ANXA8: variants seen among roughly 807,000 people sequenced by gnomAD.
ANXA8 encodes VAC-beta.
In ANXA8, 9 loss-of-function variants were observed where a neutral mutation model predicts 26.8. The observed-to-expected ratio is 0.34, with a 90% CI of 0.20 to 0.59. The LOEUF (loss-of-function observed/expected upper bound fraction) is 0.59. Among genes scored for constraint, ANXA8 ranks in the 20% least tolerant of loss-of-function variants. The pLI is 0.84. For synonymous variants in ANXA8, 39 were observed against 94.8 expected, an observed-to-expected ratio of 0.41 and a Z score of 3.42; for missense variants, 83 against 238.5, an observed-to-expected ratio of 0.35 and a Z score of 4.29.
At chr10:47,470,072 G>A (rs1465119326) in intron 11 of ANXA8, among the ~76,000 whole-genome samples, 2 of 149,374 alleles carry the variant, frequency 1.3e-5, no homozygotes, top group African/African-American at 5.0e-5. Flanking sequence ...ACAATTTTTC[G>A]AATAGTTTTT....
At chr10:47,959,385 G>GC in the ANXA8 span, among the ~76,000 whole-genome samples, 16 of 148,808 alleles carry the variant, frequency 1.1e-4, 1 homozygote, top group East Asian at 4.2e-4. Flanking sequence ...AATAAAGAGA[G>GC]CCCCCCACTG....
At chr10:47,544,132 T>C in the ANXA8 span, among the ~76,000 whole-genome samples, 1 of 151,918 alleles carries the variant, frequency 6.6e-6, no homozygotes, top group Admixed American at 6.6e-5. Context: ...AAACCGAGGC[T>C]GAACGTAGGA....
At chr10:47,496,255 G>C in the ANXA8 span, 4 of 152,436 alleles carry the variant, frequency 2.6e-5, no homozygotes, top group East Asian at 1.9e-4. Context: ...ATACTGGAAC[G>C]TCCGACACAC....
the ANXA8 span, among the ~76,000 whole-genome samples, chr10:47,530,661 C>A: frequency 2.7e-5 from 4 of 149,460 alleles, no homozygotes; most frequent in African/African-American, 9.9e-5. Flanking sequence ...CCACAGCACT[C>A]CAGCCTGGGT....
chr10:47,608,189 T>C, the ANXA8 span, among the ~76,000 whole-genome samples: 1 of 104,188 alleles, frequency 9.6e-6, no homozygotes, highest in Non-Finnish European at 1.8e-5. Context: ...TACATACATA[T>C]ACACACACAC....
the ANXA8 span, among the ~76,000 whole-genome samples, chr10:47,680,466 CT>C: frequency 4.0e-5 from 6 of 151,764 alleles, no homozygotes; most frequent in Non-Finnish European, 7.4e-5. Flanking sequence ...GAAACCCCAT[CT>C]CTACTAAAAA....
chr10:47,724,503 G>A, the ANXA8 span, among the ~76,000 whole-genome samples: 1 of 141,042 alleles, frequency 7.1e-6, no homozygotes, highest in Non-Finnish European at 1.6e-5. Context: ...GGATGTTCTC[G>A]AATGTCTTCC....
the ANXA8 span, among the ~76,000 whole-genome samples, chr10:47,777,171 C>A: frequency 1.3e-5 from 2 of 151,640 alleles, no homozygotes; most frequent in African/African-American, 4.8e-5. Context: ...GCAATCTCAG[C>A]CCCAGCCTGT....
At chr10:47,560,038 G>A in the ANXA8 span, among the ~76,000 whole-genome samples, 1 of 150,526 alleles carries the variant, frequency 6.6e-6, no homozygotes, top group Admixed American at 6.6e-5. Context: ...CCATCCAGCG[G>A]AACATGTCTC....
the ANXA8 span, among the ~76,000 whole-genome samples, chr10:47,586,817 G>A: frequency 6.8e-6 from 1 of 146,274 alleles, no homozygotes; most frequent in African/African-American, 2.8e-5. Flanking sequence ...AGCCTTACCT[G>A]TAAAAATGGG....
the ANXA8 span, among the ~76,000 whole-genome samples, chr10:47,533,223 A>ACACACACCC: frequency 7.2e-6 from 1 of 139,084 alleles, no homozygotes; most frequent in African/African-American, 2.8e-5. Context: ...ACACACACAC[A>ACACACACCC]CCCCCGCAGA....
chr10:47,972,213 AG>A, the ANXA8 span, among the ~76,000 whole-genome samples: 1 of 150,700 alleles, frequency 6.6e-6, no homozygotes, highest in Admixed American at 6.6e-5. Flanking sequence ...AGTGAGGCTC[AG>A]GGAAGTGAAG....
the ANXA8 span, among the ~76,000 whole-genome samples, chr10:47,585,232 C>A: frequency 9.0e-6 from 1 of 111,352 alleles, no homozygotes; most frequent in Admixed American, 1.0e-4. Flanking sequence ...CCACTGCACT[C>A]CAGCCTGAGA....
chr10:47,973,754 G>A, the ANXA8 span, among the ~76,000 whole-genome samples: 1 of 151,142 alleles, frequency 6.6e-6, no homozygotes, highest in African/African-American at 2.4e-5. Context: ...GGTAACGAAT[G>A]TTTGAATCAG....
At chr10:47,525,751 G>C in the ANXA8 span, among the ~76,000 whole-genome samples, 1 of 130,292 alleles carries the variant, frequency 7.7e-6, no homozygotes, top group Non-Finnish European at 1.6e-5. Context: ...AAATACAATT[G>C]ATAAATGATT....
At chr10:47,668,134 G>A in the ANXA8 span, among the ~76,000 whole-genome samples, 130 of 149,668 alleles carry the variant, frequency 8.7e-4, no homozygotes, top group African/African-American at 3.1e-3. Flanking sequence ...GTTTTCTCCT[G>A]TGGATTCCCC....
the ANXA8 span, among the ~76,000 whole-genome samples, chr10:47,944,740 G>A: frequency 6.6e-6 from 1 of 150,518 alleles, no homozygotes; most frequent in South Asian, 2.1e-4. Flanking sequence ...ATGATTGAGA[G>A]GCCTCTCCAG....
chr10:47,733,299 T>TTTCTTTG, the ANXA8 span, among the ~76,000 whole-genome samples: 64 of 100,688 alleles, frequency 6.4e-4, 6 homozygotes, highest in Non-Finnish European at 9.5e-4. Context: ...TTCTTTCTTT[T>TTTCTTTG]TTTTCTTTCT....
chr10:47,643,497 C>T, the ANXA8 span, among the ~76,000 whole-genome samples: 4 of 148,146 alleles, frequency 2.7e-5, no homozygotes, highest in Non-Finnish European at 5.9e-5. Context: ...CCACTGCACT[C>T]GAAACTCGGT....
Sources: allele counts gnomAD v4.1 joint callset (sites outside exome capture counted in the v4.1 genomes callset), GRCh38; gene constraint gnomAD v4.1.1; transcripts MANE v1.5; gene names NCBI Gene and HGNC (gene_info 2026-07-23, HGNC 2026-07-21).